FRAS1: variants seen among roughly 807,000 people sequenced by gnomAD.
The protein encoded by FRAS1 is extracellular matrix organizing protein FRAS1.
Under a neutral mutation model 435.2 loss-of-function variants are expected in FRAS1, and 290 were observed. That is an observed-to-expected ratio of 0.67 (90% CI 0.61 to 0.73). FRAS1 has a LOEUF of 0.73. Ranked by LOEUF, FRAS1 falls within the 30% of genes least tolerant of loss-of-function variation. The pLI, the probability that FRAS1 is intolerant of heterozygous loss-of-function variation, is 0.00. For synonymous variants in FRAS1, 1,800 were observed against 1,851.0 expected (o/e 0.97, Z 0.71); for missense variants, 4,860 against 5,001.5 (o/e 0.97, Z 0.85).
chr4:78,391,080 G>A lies in FRAS1; in HGVS notation c.3975+3379G>A, dbSNP rs1732426794. 2.0e-5 allele frequency among the ~76,000 whole-genome samples: 3 copies of A among 152,208 alleles called. No individual in the cohort carries two copies. In the South Asian group the frequency reaches 6.2e-4, roughly 32 times the overall value. ...AATGGATGGATGCAATGGCTTGAGT[G>A]AGGCTGGTGCCTGTGTTCCTGCCTT... On this transcript the variant is annotated intron_variant, in intron 29 of 73. Transcript: ENST00000512123.
intron 70 of FRAS1, among the ~76,000 whole-genome samples, chr4:78,528,549 C>T (rs546116391): frequency 1.6e-4 from 24 of 152,198 alleles, no homozygotes; most frequent in African/African-American, 4.3e-4. Flanking sequence ...CATCGCACTC[C>T]GCATGATGAT....
chr4:78,520,379 G>A (rs1373638641), intron 67 of FRAS1, among the ~76,000 whole-genome samples: 3 of 151,216 alleles, frequency 2.0e-5, no homozygotes, highest in African/African-American at 7.3e-5. Flanking sequence ...CTTCAGGGGT[G>A]AGGTGCTTTA....
rs73827974 is a variant in FRAS1 at position 78,326,831 on chromosome 4, A to G, written c.2138-6441A>G. Reference sequence around the variant, plus strand: ...TCAAAGACAGAAGAAGTAGATAAGTATGATGCCAATGCTTTCATCCATCTA... The same window carrying G: ...TCAAAGACAGAAGAAGTAGATAAGTGTGATGCCAATGCTTTCATCCATCTA... On this transcript the variant is annotated intron_variant, in intron 18 of 73. Transcript: ENST00000512123. Among the ~76,000 whole-genome samples the G allele has an allele frequency of 4.8e-3, 738 of 152,260 alleles. 5 individuals are homozygous for G. The highest frequency in any genetic ancestry group is 0.017 in the African/African-American group (686 of 41,554).
intron 57 of FRAS1, 104 bp downstream of exon 57, chr4:78,482,068 T>TC: frequency 8.5e-7 from 1 of 1,180,406 alleles, no homozygotes; most frequent in Non-Finnish European, 1.2e-6. Context: ...GCGATATTCC[T>TC]ATCTTTCCTT....
chr4:78,142,429 C>T (rs145586417), intron 2 of FRAS1, among the ~76,000 whole-genome samples: 1 of 151,738 alleles, frequency 6.6e-6, no homozygotes, highest in African/African-American at 2.4e-5. Flanking sequence ...ATTCTGTACT[C>T]AAGCAGAAAT....
chr4:78,446,962 C>G, intron 43 of FRAS1, 82 bp downstream of exon 43: 1 of 1,324,390 alleles, frequency 7.6e-7, no homozygotes, highest in Non-Finnish European at 1.0e-6. Context: ...TTTCAGTTGA[C>G]TATTTCTTTT....
intron 2 of FRAS1, among the ~76,000 whole-genome samples, chr4:78,233,990 GA>G (rs1724629330): frequency 6.6e-6 from 1 of 152,172 alleles, no homozygotes; most frequent in Non-Finnish European, 1.5e-5. Context: ...GCAGAGGTGG[GA>G]AAAGCCACCC....
At chr4:78,451,135 G>A (rs976391463) in intron 45 of FRAS1, among the ~76,000 whole-genome samples, 4 of 152,214 alleles carry the variant, frequency 2.6e-5, no homozygotes, top group Admixed American at 6.5e-5. Context: ...ACTTTTAAAA[G>A]ATAAGACCAG....
chr4:78,519,295 A>G, intron 66 of FRAS1, 36 bp from the exon 67 acceptor site: 2 of 1,460,108 alleles, frequency 1.4e-6, no homozygotes, highest in Non-Finnish European at 9.0e-7. Context: ...ATCCCAGGGG[A>G]GAAATAACTC....
At chr4:78,077,247 A>G (rs1241601266) in intron 2 of FRAS1, among the ~76,000 whole-genome samples, 1 of 151,718 alleles carries the variant, frequency 6.6e-6, no homozygotes, top group African/African-American at 2.4e-5. Flanking sequence ...GCATGTGCCT[A>G]TCTTCTCAGC....
chr4:78,520,597 A>G (rs2109893591), intron 67 of FRAS1, among the ~76,000 whole-genome samples: 1 of 150,452 alleles, frequency 6.6e-6, no homozygotes, highest in East Asian at 1.9e-4. Context: ...CTTATGCTTT[A>G]AATCATCTCT....
At chr4:78,475,670 G>T in intron 54 of FRAS1, 64 bp downstream of exon 54, 2 of 1,438,036 alleles carry the variant, frequency 1.4e-6, no homozygotes, top group East Asian at 4.7e-5. Context: ...GCAAGCAATT[G>T]TGGCACTTTC....
chr4:78,141,142 C>T (rs1227061960), intron 2 of FRAS1, among the ~76,000 whole-genome samples: 1 of 152,032 alleles, frequency 6.6e-6, no homozygotes, highest in East Asian at 1.9e-4. Context: ...GTTTGCTGCA[C>T]CCATCAACCC....
intron 15 of FRAS1, among the ~76,000 whole-genome samples, chr4:78,308,836 TC>T (rs1269577975): frequency 1.3e-5 from 2 of 152,238 alleles, no homozygotes; most frequent in East Asian, 3.9e-4. Flanking sequence ...GCATGTCAAT[TC>T]CCACTTGTGA....
chr4:78,126,439 C>A (rs867769752), intron 2 of FRAS1, among the ~76,000 whole-genome samples: 3 of 152,202 alleles, frequency 2.0e-5, no homozygotes, highest in Non-Finnish European at 4.4e-5. Context: ...TGAGATGAAC[C>A]AGGTTCCTCA....
intron 22 of FRAS1, 97 bp from the exon 23 acceptor site, chr4:78,369,741 A>G (rs903345104): frequency 1.8e-6 from 2 of 1,120,148 alleles, no homozygotes; most frequent in South Asian, 2.1e-5. Flanking sequence ...AGGTTGGAAC[A>G]AGGCTTTGTT....
chr4:78,494,604 A>C (rs1439523369), intron 59 of FRAS1, among the ~76,000 whole-genome samples: 1 of 152,208 alleles, frequency 6.6e-6, no homozygotes, highest in Non-Finnish European at 1.5e-5. Context: ...AACTGTCCCC[A>C]TCACCCAAAC....
rs1186857482 is a variant in FRAS1 at position 78,384,069 on chromosome 4, C to A, written c.3574C>A (p.Leu1192Ile). ...TTGGGACTTCTTTAGGAAAGGTTAC[C>A]TTTTCCTGAAAATTAGTGACCAGCA... The part of the protein sequence containing the change: ...HSKEKLRKGY[L>I]FLKISDQQFF... The change falls in exon 28 of 74, where the codon CTT (leucine) becomes ATT (isoleucine). Residue 1192 changes from leucine (L) to isoleucine (I), a missense_variant. Leu to Ile is a conservative substitution (Grantham distance 5, BLOSUM62 2). Coordinates refer to ENST00000512123, the MANE Select transcript of FRAS1 (RefSeq NM_025074.7). The A allele has an allele frequency of 1.2e-6, 2 of 1,604,938 alleles. No homozygotes were observed. Among genetic ancestry groups the A allele is most frequent in the Non-Finnish European group, 1.7e-6 (2 of 1,176,524 alleles).
At chr4:78,380,419 A>G (rs1731968179) in intron 27 of FRAS1, among the ~76,000 whole-genome samples, 1 of 152,156 alleles carries the variant, frequency 6.6e-6, no homozygotes, top group Non-Finnish European at 1.5e-5. Context: ...GTTGAAAGGA[A>G]ACTTAGAATC....
Sources: gnomAD v4.1 joint callset for allele counts (sites outside exome capture counted in the v4.1 genomes callset) on GRCh38, gnomAD v4.1.1 for gene constraint, MANE v1.5 for transcripts, NCBI Gene and HGNC (gene_info 2026-07-23, HGNC 2026-07-21) for gene names.